The following WWOX variants were observed in gnomAD, a reference collection of about 807,000 sequenced individuals.
WWOX encodes the protein WW domain-containing oxidoreductase.
WWOX carries 69 observed loss-of-function variants against 46.2 expected under a neutral mutation model. The observed-to-expected ratio is 1.49, with a 90% CI of 1.23 to 1.82. The LOEUF is 1.82. Ranked by LOEUF, WWOX falls within the 40% of genes most tolerant of loss-of-function variation. WWOX has a pLI of 0.00. For missense variants in WWOX, 919 were observed against 542.6 expected, an observed-to-expected ratio of 1.69 and a Z score of -6.89; for synonymous variants, 359 against 202.6, an observed-to-expected ratio of 1.77 and a Z score of -6.56.
Position 78,352,412 on chromosome 16 carries a change from T to G in WWOX, c.517-34448T>G, listed in dbSNP as rs572856555. On this transcript the variant is annotated intron_variant, in intron 5 of 8. Coordinates refer to ENST00000566780, the MANE Select transcript of WWOX (RefSeq NM_016373.4). ...GGACACCATTTCTTTCTGTAGGTTC[T>G]AGAAGAGAACCCACTTCCTTGCTGT... Among the ~76,000 whole-genome samples the G allele has an allele frequency of 5.3e-5, 8 of 152,344 alleles. No homozygotes were observed. The East Asian group carries it at 1.2e-3, about 22-fold the overall frequency.
intron 8 of WWOX, among the ~76,000 whole-genome samples, chr16:78,587,400 A>G (rs777156808): frequency 9.9e-5 from 15 of 152,082 alleles, no homozygotes; most frequent in Non-Finnish European, 1.9e-4. Flanking sequence ...CATAACTCTG[A>G]TAAGAATAAT....
chr16:78,387,306 A>G (rs2082079722), intron 6 of WWOX, among the ~76,000 whole-genome samples: 1 of 152,220 alleles, frequency 6.6e-6, no homozygotes, highest in South Asian at 2.1e-4. Flanking sequence ...GCATTCAGGA[A>G]CAAGTAAACT....
intron 6 of WWOX, among the ~76,000 whole-genome samples, chr16:78,404,291 G>A (rs1036317749): frequency 1.6e-4 from 24 of 152,010 alleles, no homozygotes; most frequent in African/African-American, 5.8e-4. Context: ...ATTTTTCGGG[G>A]ATTTTGTAAT....
At chr16:78,116,903 G>A (rs1343006694) in intron 4 of WWOX, among the ~76,000 whole-genome samples, 1 of 152,192 alleles carries the variant, frequency 6.6e-6, no homozygotes, top group Non-Finnish European at 1.5e-5. Flanking sequence ...ACTGCTCCAT[G>A]TGACATTAGA....
At chr16:78,267,614 C>A (rs2079394160) in intron 5 of WWOX, among the ~76,000 whole-genome samples, 1 of 152,198 alleles carries the variant, frequency 6.6e-6, no homozygotes, top group Admixed American at 6.5e-5. Context: ...GAAATCCAGG[C>A]ATGGAAACCA....
At chr16:78,404,141 CTGTGT>C (rs2082473522) in intron 6 of WWOX, among the ~76,000 whole-genome samples, 2 of 152,086 alleles carry the variant, frequency 1.3e-5, no homozygotes, top group African/African-American at 4.8e-5. Context: ...ACCTAAATGA[CTGTGT>C]TGTGGATAAT....
chr16:79,042,447 T>C (rs935664566), intron 8 of WWOX, among the ~76,000 whole-genome samples: 1 of 152,228 alleles, frequency 6.6e-6, no homozygotes, highest in Non-Finnish European at 1.5e-5. Context: ...GATTCCCTGG[T>C]TATTTATCTT....
chr16:78,774,159 T>C (rs1243900498), intron 8 of WWOX, among the ~76,000 whole-genome samples: 5 of 152,082 alleles, frequency 3.3e-5, no homozygotes, highest in Non-Finnish European at 5.9e-5. Flanking sequence ...TCCCAGTACT[T>C]TGGGAGGCCA....
intron 8 of WWOX, among the ~76,000 whole-genome samples, chr16:78,939,603 G>T (rs1039529364): frequency 3.3e-5 from 5 of 152,202 alleles, no homozygotes; most frequent in Admixed American, 3.3e-4. Context: ...GGCTTAGAAT[G>T]CCATTTTATC....
chr16:78,451,170 A>AT (rs954655007), intron 8 of WWOX, among the ~76,000 whole-genome samples: 16 of 152,004 alleles, frequency 1.1e-4, no homozygotes, highest in East Asian at 1.9e-4. Context: ...ATCCAAAGCC[A>AT]TTTTTTTTAA....
intron 8 of WWOX, among the ~76,000 whole-genome samples, chr16:78,449,314 T>A (rs896027953): frequency 6.6e-6 from 1 of 152,198 alleles, no homozygotes; most frequent in African/African-American, 2.4e-5. Context: ...AGTGACGTCT[T>A]ACTGCTTTTG....
intron 5 of WWOX, chr16:78,168,145 G>A (rs1024697338): frequency 6.6e-6 from 1 of 152,180 alleles, no homozygotes; most frequent in East Asian, 1.9e-4. Flanking sequence ...CTCAGCGGAG[G>A]CTGTCATGTG....
At chr16:78,691,743 T>A (rs2047993127) in intron 8 of WWOX, among the ~76,000 whole-genome samples, 1 of 152,146 alleles carries the variant, frequency 6.6e-6, no homozygotes, top group Admixed American at 6.5e-5. Flanking sequence ...TGTCTCTCTC[T>A]ACCCTTGCAG....
chr16:78,675,191 A>AGT (rs2047563405), intron 8 of WWOX, among the ~76,000 whole-genome samples: 1 of 152,126 alleles, frequency 6.6e-6, no homozygotes, highest in Non-Finnish European at 1.5e-5. Context: ...TTAACAGGTA[A>AGT]GGAAAATGGG....
At chr16:79,033,675 G>A (rs573858760) in intron 8 of WWOX, among the ~76,000 whole-genome samples, 16 of 152,220 alleles carry the variant, frequency 1.1e-4, no homozygotes, top group South Asian at 8.3e-4. Context: ...TTTTCATCGT[G>A]CAAAACTGAA....
chr16:78,991,044 C>T (rs1015128559), intron 8 of WWOX, among the ~76,000 whole-genome samples: 2 of 152,198 alleles, frequency 1.3e-5, no homozygotes, highest in African/African-American at 4.8e-5. Context: ...TTGAACAGAG[C>T]AGGACACTCT....
chr16:78,301,683 T>C (rs1405354817), intron 5 of WWOX, among the ~76,000 whole-genome samples: 1 of 152,164 alleles, frequency 6.6e-6, no homozygotes, highest in Non-Finnish European at 1.5e-5. Flanking sequence ...ACCTCAGGGC[T>C]GTTTGCCTGT....
chr16:78,667,723 G>T (rs1333279489), intron 8 of WWOX, among the ~76,000 whole-genome samples: 1 of 147,800 alleles, frequency 6.8e-6, no homozygotes, highest in Admixed American at 6.7e-5. Flanking sequence ...GAATATTGAT[G>T]AGAACACCCA....
At chr16:78,274,847 C>G (rs1268500435) in intron 5 of WWOX, among the ~76,000 whole-genome samples, 1 of 152,178 alleles carries the variant, frequency 6.6e-6, no homozygotes, top group African/African-American at 2.4e-5. Context: ...CTCATGAATG[C>G]CCAAGCAGCA....
Sources: allele counts gnomAD v4.1 joint callset (sites outside exome capture counted in the v4.1 genomes callset), GRCh38; gene constraint gnomAD v4.1.1; transcripts MANE v1.5; gene names NCBI Gene and HGNC (gene_info 2026-07-23, HGNC 2026-07-21).